LRRC37A2: variants seen among roughly 807,000 people sequenced by gnomAD.
The protein encoded by LRRC37A2 is leucine rich repeat containing 37 member A2, also known as leucine-rich repeat-containing protein 37A2.
In LRRC37A2, 9 loss-of-function variants were observed where a neutral mutation model predicts 68.8. That is an observed-to-expected ratio of 0.13 (90% CI 0.08 to 0.23). The LOEUF (loss-of-function observed/expected upper bound fraction) is 0.23, where lower values mean the gene tolerates loss of function less well. Ranked by LOEUF, LRRC37A2 falls within the 10% of genes least tolerant of loss-of-function variation. LRRC37A2 has a pLI of 1.00. For synonymous variants in LRRC37A2, 63 were observed against 367.6 expected, an observed-to-expected ratio of 0.17 and a Z score of 9.48; for missense variants, 168 against 950.4, an observed-to-expected ratio of 0.18 and a Z score of 10.82.
At chr17:46,726,644 T>A in the LRRC37A2 span, 2 of 1,586,920 alleles carry the variant, frequency 1.3e-6, no homozygotes, top group African/African-American at 1.3e-5. Context: ...TGTTGTATTA[T>A]CTTTGCCACA....
the LRRC37A2 span, among the ~76,000 whole-genome samples, chr17:46,829,885 T>C: frequency 0.058 from 8,761 of 152,162 alleles, 278 homozygotes; most frequent in Middle Eastern, 0.18. Context: ...GGGCAAGTTA[T>C]CTAGATCTCT....
At chr17:47,009,127 C>T in the LRRC37A2 span, among the ~76,000 whole-genome samples, 3 of 150,130 alleles carry the variant, frequency 2.0e-5, no homozygotes, top group African/African-American at 4.9e-5. Context: ...AGTGATATTC[C>T]ATCTCAAAAA....
chr17:46,557,230 G>GA (rs1266212954), downstream of LRRC37A2: 2 of 539,320 alleles, frequency 3.7e-6, 1 homozygote, highest in Non-Finnish European at 6.4e-6. Context: ...CCCCAGATAG[G>GA]AAAACAGAAA....
chr17:46,994,172 G>A, the LRRC37A2 span, among the ~76,000 whole-genome samples: 1 of 152,032 alleles, frequency 6.6e-6, no homozygotes, highest in Non-Finnish European at 1.5e-5. Context: ...ATCACCTGAG[G>A]TCAGGAGTTT....
chr17:46,392,409 T>TTCTC, the LRRC37A2 span, among the ~76,000 whole-genome samples: 12 of 49,522 alleles, frequency 2.4e-4, no homozygotes, highest in South Asian at 1.3e-3. Context: ...CTTTCTTTCT[T>TTCTC]TCTCTCTCTC....
the LRRC37A2 span, among the ~76,000 whole-genome samples, chr17:46,847,098 T>C: frequency 1.3e-5 from 2 of 152,218 alleles, no homozygotes; most frequent in Non-Finnish European, 2.9e-5. Context: ...ACTAGGAAAA[T>C]GCAAGGAAGA....
At chr17:46,771,867 G>A in the LRRC37A2 span, among the ~76,000 whole-genome samples, 1 of 144,424 alleles carries the variant, frequency 6.9e-6, no homozygotes, top group African/African-American at 2.5e-5. Flanking sequence ...GGCCGCCCAG[G>A]CCCCTCCGGC....
At chr17:46,605,927 A>G in the LRRC37A2 span, among the ~76,000 whole-genome samples, 4 of 41,208 alleles carry the variant, frequency 9.7e-5, no homozygotes, top group African/African-American at 1.6e-4. Flanking sequence ...AGGTGGGCGG[A>G]TCACCTGAGG....
At chr17:46,947,261 C>T in the LRRC37A2 span, among the ~76,000 whole-genome samples, 2 of 152,168 alleles carry the variant, frequency 1.3e-5, no homozygotes, top group African/African-American at 4.8e-5. Flanking sequence ...GCAGCCTCCT[C>T]TTTGGTGTAT....
chr17:46,873,705 A>G, the LRRC37A2 span, among the ~76,000 whole-genome samples: 3 of 151,080 alleles, frequency 2.0e-5, no homozygotes, highest in African/African-American at 7.4e-5. Flanking sequence ...CTAAAAATAC[A>G]AAAATTTAAA....
At chr17:46,736,421 C>T in the LRRC37A2 span, among the ~76,000 whole-genome samples, 1 of 152,206 alleles carries the variant, frequency 6.6e-6, no homozygotes, top group East Asian at 1.9e-4. Flanking sequence ...GTCCCAGAAA[C>T]AAGAATGCAG....
At chr17:46,981,088 G>T in the LRRC37A2 span, among the ~76,000 whole-genome samples, 2 of 152,186 alleles carry the variant, frequency 1.3e-5, no homozygotes, top group Non-Finnish European at 1.5e-5. Flanking sequence ...AAAGCACTTT[G>T]TTATTGCAAT....
the LRRC37A2 span, among the ~76,000 whole-genome samples, chr17:46,902,744 C>A: frequency 6.6e-6 from 1 of 152,106 alleles, no homozygotes; most frequent in Admixed American, 6.5e-5. Context: ...GAGTAGCCAA[C>A]CCTGTGGTCA....
the LRRC37A2 span, among the ~76,000 whole-genome samples, chr17:46,945,432 GA>G: frequency 1.3e-5 from 2 of 152,180 alleles, no homozygotes; most frequent in African/African-American, 4.8e-5. Context: ...GGGGTGGTGG[GA>G]TAGTGTTTGA....
At chr17:46,972,777 A>G in the LRRC37A2 span, among the ~76,000 whole-genome samples, 5 of 151,932 alleles carry the variant, frequency 3.3e-5, no homozygotes, top group African/African-American at 1.2e-4. Flanking sequence ...GCAGCACTCA[A>G]TCTCCCGTGT....
chr17:46,835,632 T>C, the LRRC37A2 span, among the ~76,000 whole-genome samples: 1 of 152,212 alleles, frequency 6.6e-6, no homozygotes, highest in Non-Finnish European at 1.5e-5. Flanking sequence ...CTCATCAGTG[T>C]AGTCATTCCT....
chr17:46,736,086 C>G, the LRRC37A2 span, among the ~76,000 whole-genome samples: 1 of 152,202 alleles, frequency 6.6e-6, no homozygotes, highest in Non-Finnish European at 1.5e-5. Flanking sequence ...AATGCCTGAA[C>G]CCAACTTCCC....
chr17:46,797,075 G>A, the LRRC37A2 span, among the ~76,000 whole-genome samples: 3 of 152,138 alleles, frequency 2.0e-5, no homozygotes, highest in Non-Finnish European at 2.9e-5. Context: ...AAATAAAAAC[G>A]GGTCACACTG....
the LRRC37A2 span, among the ~76,000 whole-genome samples, chr17:47,009,410 T>C: frequency 6.8e-3 from 1,039 of 152,294 alleles, 12 homozygotes; most frequent in African/African-American, 0.023. Flanking sequence ...TTCCAGTTCT[T>C]TGAATGGATA....
Sources: allele counts gnomAD v4.1 joint callset (sites outside exome capture counted in the v4.1 genomes callset), GRCh38; gene constraint gnomAD v4.1.1; transcripts MANE v1.5; gene names NCBI Gene and HGNC (gene_info 2026-07-23, HGNC 2026-07-21).